Variants in TSHZ2 observed in about 807,000 individuals in gnomAD.
TSHZ2 encodes the protein teashirt homolog 2.
Under a neutral mutation model 74.4 loss-of-function variants are expected in TSHZ2, and 21 were observed. The observed-to-expected ratio is 0.28, with a 90% CI of 0.20 to 0.41. The LOEUF (loss-of-function observed/expected upper bound fraction) is 0.41. Among genes scored for constraint, TSHZ2 ranks in the 10% least tolerant of loss-of-function variants. The probability of loss-of-function intolerance (pLI) is 1.00; values close to 1 mark genes in which losing one functional copy is unlikely to be tolerated. For synonymous variants in TSHZ2, 540 were observed against 515.3 expected (o/e 1.05, Z -0.65); for missense variants, 1,244 against 1,293.5 (o/e 0.96, Z 0.59).
Position 53,084,600 on chromosome 20 carries a change from G to GTTA in TSHZ2, c.40+111269_40+111270insATT, listed in dbSNP as rs201975162. ...TAAAAATTTATTCATCCTTTCCTCT[G>GTTA]TTTTTCTTCCTTTCCAACCAAACTT... On this transcript the variant is annotated intron_variant, in intron 1 of 2. Coordinates refer to ENST00000371497, the MANE Select transcript of TSHZ2 (RefSeq NM_173485.6). 3.5e-3 allele frequency among the ~76,000 whole-genome samples: 520 copies of GTTA among 148,764 alleles called. 12 individuals carry two copies. The highest frequency in any genetic ancestry group is 0.021 in the Middle Eastern group (6 of 286).
In TSHZ2 at chr20:53,391,928, G is replaced by A. The variant is rs537793859; in HGVS notation, c.*9-95216G>A. On this transcript the variant is annotated intron_variant, in intron 2 of 2. Coordinates refer to ENST00000371497, the MANE Select transcript of TSHZ2 (RefSeq NM_173485.6). ...ACTGCACTCCAGCGTGGGTGACAGAGAGACTTTGTCTTAAAAACAAAACAA... is the reference window on the plus strand; with the variant it reads ...ACTGCACTCCAGCGTGGGTGACAGAAAGACTTTGTCTTAAAAACAAAACAA... Among the ~76,000 whole-genome samples the A allele has an allele frequency of 4.6e-5, 7 of 152,216 alleles. No individual in the cohort carries two copies. The South Asian group carries it at 1.5e-3, about 32-fold the overall frequency.
At chr20:53,190,086 AAT>A (rs544193424) in intron 1 of TSHZ2, among the ~76,000 whole-genome samples, 288 of 24,978 alleles carry the variant, frequency 0.012, 2 homozygotes, top group Middle Eastern at 0.031. Flanking sequence ...CCCTGTCTCA[AAT>A]ATATATATAT....
At chr20:53,142,798 C>A (rs1167983113) in intron 1 of TSHZ2, among the ~76,000 whole-genome samples, 1 of 150,648 alleles carries the variant, frequency 6.6e-6, no homozygotes, top group African/African-American at 2.4e-5. Flanking sequence ...TAAACCCACC[C>A]ACAAGCCGGT....
At chr20:53,459,953 A>C (rs2145808563) in intron 2 of TSHZ2, among the ~76,000 whole-genome samples, 1 of 152,138 alleles carries the variant, frequency 6.6e-6, no homozygotes, top group East Asian at 1.9e-4. Context: ...CTTCCCTTTG[A>C]GGGTAACCCG....
chr20:53,412,637 G>T (rs1568906212), intron 2 of TSHZ2: 1 of 152,256 alleles, frequency 6.6e-6, no homozygotes, highest in Non-Finnish European at 1.5e-5. Flanking sequence ...TCTCTCAGGG[G>T]GTGCACAGTG....
At chr20:53,360,429 G>T (rs973084648) in intron 2 of TSHZ2, among the ~76,000 whole-genome samples, 1 of 152,024 alleles carries the variant, frequency 6.6e-6, no homozygotes, top group South Asian at 2.1e-4. Flanking sequence ...TAAATATTTC[G>T]AGCTTCTACT....
At chr20:53,381,897 C>T (rs948152149) in intron 2 of TSHZ2, among the ~76,000 whole-genome samples, 1 of 152,180 alleles carries the variant, frequency 6.6e-6, no homozygotes, top group African/African-American at 2.4e-5. Flanking sequence ...TGTCTCTGTC[C>T]CTTTGTGGGC....
chr20:53,288,774 G>A (rs1160587948), intron 2 of TSHZ2, among the ~76,000 whole-genome samples: 2 of 152,198 alleles, frequency 1.3e-5, no homozygotes, highest in African/African-American at 2.4e-5. Flanking sequence ...AAGAGCAATA[G>A]AGAGGAAGGC....
chr20:53,021,074 T>G (rs1449850396), intron 1 of TSHZ2, among the ~76,000 whole-genome samples: 1 of 152,234 alleles, frequency 6.6e-6, no homozygotes, highest in Non-Finnish European at 1.5e-5. Context: ...CTGTTATGAC[T>G]GAAACAAATG....
rs1986083702 is a variant in TSHZ2, at chr20:53,479,316, T to C, written c.*9-7828T>C. On this transcript the variant is annotated intron_variant, in intron 2 of 2. Coordinates refer to ENST00000371497, the MANE Select transcript of TSHZ2 (RefSeq NM_173485.6). The stretch of plus-strand genomic sequence containing the variant: ...GCAGCTTGGGGTGGGCCCTGTATTC[T>C]GCATTTCTGACAAGCTCTAGGTGAT... Among the ~76,000 whole-genome samples, 12 of 152,346 alleles carry C rather than the reference T, an allele frequency of 7.9e-5. 1 individual carries two copies. The highest frequency in any genetic ancestry group is 7.8e-4 in the Admixed American group (12 of 15,304).
chr20:53,275,451 C>T (rs1358089995), intron 2 of TSHZ2, among the ~76,000 whole-genome samples: 1 of 151,898 alleles, frequency 6.6e-6, no homozygotes, highest in Admixed American at 6.6e-5. Flanking sequence ...ATCTATAATA[C>T]ATGGCATTAA....
intron 2 of TSHZ2, among the ~76,000 whole-genome samples, chr20:53,346,572 G>A (rs561670864): frequency 4.6e-5 from 7 of 152,290 alleles, no homozygotes; most frequent in African/African-American, 9.6e-5. Flanking sequence ...AGGGCTATTC[G>A]AAGGAAGCTT....
chr20:53,002,389 C>CA (rs1982474270), intron 1 of TSHZ2, among the ~76,000 whole-genome samples: 1 of 152,088 alleles, frequency 6.6e-6, no homozygotes, highest in Admixed American at 6.5e-5. Context: ...AAAAATAATA[C>CA]AAAATGAAAG....
Position 53,037,255 on chromosome 20 carries a change from CGT to C in TSHZ2, c.40+63926_40+63927del, listed in dbSNP as rs530811928. Among the ~76,000 whole-genome samples the C allele has an allele frequency of 1.1e-4, 16 of 152,270 alleles. No homozygotes were observed. The South Asian group carries it at 3.3e-3, about 32-fold the overall frequency. On this transcript the variant is annotated intron_variant, in intron 1 of 2. Coordinates refer to ENST00000371497, the MANE Select transcript of TSHZ2 (RefSeq NM_173485.6). ...GGAAGCAGAGGCAGAAAGGGCTCCA[CGT>C]GTGCTATCACTAGTCAGATTATTCT...
intron 2 of TSHZ2, chr20:53,400,392 G>A (rs535800875): frequency 2.0e-5 from 3 of 152,400 alleles, no homozygotes; most frequent in Non-Finnish European, 2.9e-5. Context: ...AGCATAAGTC[G>A]AAGTTGCAAT....
At chr20:53,122,157 A>G (rs1401177892) in intron 1 of TSHZ2, among the ~76,000 whole-genome samples, 1 of 151,830 alleles carries the variant, frequency 6.6e-6, no homozygotes, top group African/African-American at 2.4e-5. Context: ...GTGTGATGGC[A>G]TGCACCTGTG....
At chr20:53,458,903 T>C (rs1985228658) in intron 2 of TSHZ2, among the ~76,000 whole-genome samples, 1 of 152,166 alleles carries the variant, frequency 6.6e-6, no homozygotes, top group Non-Finnish European at 1.5e-5. Context: ...TGAGTTCTAG[T>C]TTGATTGCAC....
At chr20:52,994,445 A>AATGGATGGATGGATGGATGGATGG (rs377657785) in intron 1 of TSHZ2, among the ~76,000 whole-genome samples, 1 of 151,480 alleles carries the variant, frequency 6.6e-6, no homozygotes, top group African/African-American at 2.4e-5. Flanking sequence ...TGAGTGAATG[A>AATGGATGGATGGATGGATGGATGG]ATGGACGGAT....
chr20:53,255,988 C>T lies in TSHZ2; in HGVS notation c.2530C>T (p.Arg844Trp), dbSNP rs1026209806. ...EVSTLHKRKG[R>W]QSNWNPQHLL... The stretch of plus-strand genomic sequence containing the variant: ...CTCAACTTTGCATAAAAGAAAAGGC[C>T]GGCAGTCCAACTGGAATCCTCAGCA... Residue 844 changes from arginine (R) to tryptophan (W), a missense_variant, in exon 2 of 3, where the codon CGG becomes TGG. Physicochemically the swap from Arg to Trp is moderately radical, Grantham distance 101 (BLOSUM62 -3). This residue lies in a region of TSHZ2 where 562 missense variants were observed against 544.0 expected (regional missense o/e 1.03). Coordinates refer to ENST00000371497, the MANE Select transcript of TSHZ2 (RefSeq NM_173485.6). This position sits in a 1 kb window ranked among gnomAD's most constrained non-coding sequence, Gnocchi z 4.1. The T allele has an allele frequency of 7.4e-6, 12 of 1,613,572 alleles. No individual in the cohort carries two copies. Among genetic ancestry groups the T allele is most frequent in the African/African-American group, 1.3e-5 (1 of 74,890 alleles).
Sources: gnomAD v4.1 joint callset for allele counts (sites outside exome capture counted in the v4.1 genomes callset) on GRCh38, gnomAD v4.1.1 for gene constraint, gnomAD v4.1.1 regional missense constraint, Gnocchi (gnomAD v3.1) non-coding constraint, MANE v1.5 for transcripts, NCBI Gene and HGNC (gene_info 2026-07-23, HGNC 2026-07-21) for gene names.